GOLGB1: variants seen among roughly 807,000 people sequenced by gnomAD.
GOLGB1 encodes the protein golgin subfamily B member 1.
Under a neutral mutation model 336.9 loss-of-function variants are expected in GOLGB1, and 174 were observed. The ratio of observed to expected loss-of-function variants is 0.52; its 90% CI spans 0.46 to 0.59. GOLGB1 has a LOEUF of 0.59. Ranked by LOEUF, GOLGB1 falls within the 20% of genes least tolerant of loss-of-function variation. The pLI, the probability that GOLGB1 is intolerant of heterozygous loss-of-function variation, is 0.00. For synonymous variants in GOLGB1, 1,208 were observed against 1,289.2 expected, an observed-to-expected ratio of 0.94 and a Z score of 1.35; for missense variants, 3,331 against 3,645.3, an observed-to-expected ratio of 0.91 and a Z score of 2.22.
At chr3:121,699,760 C>A in intron 12 of GOLGB1, 52 bp downstream of exon 12, 4 of 1,050,916 alleles carry the variant, frequency 3.8e-6, no homozygotes, top group Admixed American at 2.1e-5. Flanking sequence ...TATGAAGCTA[C>A]CTTCTCTTAA....
At chr3:121,673,702 T>C (rs1334252224) in intron 17 of GOLGB1, among the ~76,000 whole-genome samples, 3 of 151,762 alleles carry the variant, frequency 2.0e-5, no homozygotes, top group African/African-American at 4.8e-5. Flanking sequence ...TATCTATCTA[T>C]CTATCTATCT....
At chr3:121,693,443 G>A (rs560159073) in intron 13 of GOLGB1, among the ~76,000 whole-genome samples, 2 of 152,184 alleles carry the variant, frequency 1.3e-5, no homozygotes, top group Non-Finnish European at 2.9e-5. Flanking sequence ...AGCCAAAATC[G>A]TGCCATTGCA....
chr3:121,717,202 A>G, intron 8 of GOLGB1, 63 bp from the exon 9 acceptor site: 1 of 1,351,322 alleles, frequency 7.4e-7, no homozygotes, highest in Admixed American at 2.3e-5. Flanking sequence ...CAAGCATTGT[A>G]AAGTGCTTTT....
chr3:121,711,678 T>C (rs940202916), intron 10 of GOLGB1, among the ~76,000 whole-genome samples: 2 of 152,152 alleles, frequency 1.3e-5, no homozygotes, highest in African/African-American at 4.8e-5. Context: ...AGTTGTATAC[T>C]TACATATTAG....
At position 121,745,958 on chromosome 3, in the gene GOLGB1, T is replaced by C. The variant is rs1362298988; in HGVS notation, c.-3+3674A>G. Among the ~76,000 whole-genome samples, 6 of 152,134 alleles carry C rather than the reference T, an allele frequency of 3.9e-5. No individual in the cohort carries two copies. The East Asian group carries it at 9.6e-4, about 24-fold the overall frequency. ...CATTATGCTAGGAACTATAAAAATA[T>C]AAAAAGAATTATAAAGCATGTCCCT... is the stretch of plus-strand genomic sequence containing the variant. On this transcript the variant is annotated intron_variant, in intron 1 of 21. Coordinates refer to ENST00000614479, the MANE Select transcript of GOLGB1 (RefSeq NM_001366282.2).
chr3:121,686,444 CTTTTAT>C (rs770226378), intron 14 of GOLGB1, among the ~76,000 whole-genome samples: 34 of 152,228 alleles, frequency 2.2e-4, no homozygotes, highest in Non-Finnish European at 4.4e-4. Flanking sequence ...TTCTCAGTCC[CTTTTAT>C]TTTATCTTGA....
chr3:121,734,530 T>C (rs906940570), intron 1 of GOLGB1, among the ~76,000 whole-genome samples: 2 of 151,426 alleles, frequency 1.3e-5, no homozygotes, highest in African/African-American at 4.9e-5. Flanking sequence ...ACACACCTGA[T>C]AAAGAAATGT....
In GOLGB1 at chr3:121,690,808, G is replaced by A. The variant is rs1471659412; in HGVS notation, c.8556C>T (p.His2852=). The A allele has an allele frequency of 1.2e-6, 2 of 1,607,498 alleles. No individual in the cohort carries two copies. The highest frequency in any genetic ancestry group is 1.7e-6 in the Non-Finnish European group (2 of 1,177,088). Residue 2852 remains histidine (H), a synonymous_variant, in exon 14 of 22, where the codon CAC becomes CAT. Coordinates refer to ENST00000614479, the MANE Select transcript of GOLGB1 (RefSeq NM_001366282.2). ...AMASLQNERD[H]LWNELEKFRK... is the part of the protein sequence containing the mutation. ...GAAATTTCTCCAGCTCATTCCACAGGTGATCTCTCTCATTCTGCAGACTGG... is the reference window on the plus strand; with the variant it reads ...GAAATTTCTCCAGCTCATTCCACAGATGATCTCTCTCATTCTGCAGACTGG...
In GOLGB1 at chr3:121,695,250, C is replaced by T; in HGVS notation, c.5273G>A (p.Ser1758Asn). ...QSLMSEKDSLSEEVQDLKHQI... is the reference protein window; with the variant it reads ...QSLMSEKDSLNEEVQDLKHQI... ...ATGCTTTAAATCTTGAACCTCTTCA[C>T]TTAGAGAGTCTTTCTCAGACATTAA... The change falls in exon 13 of 22, where the codon AGT (serine) becomes AAT (asparagine). Residue 1758 changes from serine to asparagine, a missense_variant. Ser to Asn is a conservative substitution (Grantham distance 46). Transcript: ENST00000614479. 3.1e-6 allele frequency: 5 copies of T among 1,613,674 alleles called. No individual in the cohort carries two copies. The highest frequency in any genetic ancestry group is 4.2e-6 in the Non-Finnish European group (5 of 1,179,828).
chr3:121,726,433 C>CAAAAAAAAAAAAAAAAAAAAA (rs10547964), intron 5 of GOLGB1, among the ~76,000 whole-genome samples: 2 of 61,452 alleles, frequency 3.3e-5, no homozygotes, highest in Non-Finnish European at 5.8e-5. Context: ...CACCCTGTCT[C>CAAAAAAAAAAAAAAAAAAAAA]AAAAAAAAAA....
upstream of GOLGB1, chr3:121,749,818 GA>G (rs1271322640): frequency 6.6e-6 from 1 of 152,382 alleles, no homozygotes; most frequent in East Asian, 1.9e-4. Flanking sequence ...TTACCAGGGA[GA>G]CCAGGCACAC....
chr3:121,724,561 G>GC (rs1491227938), intron 5 of GOLGB1, among the ~76,000 whole-genome samples: 9 of 104,978 alleles, frequency 8.6e-5, no homozygotes, highest in African/African-American at 2.8e-4. Context: ...AGAAAACAGA[G>GC]CAAAAAAAAA....
intron 15 of GOLGB1, among the ~76,000 whole-genome samples, chr3:121,681,275 T>C (rs1462111972): frequency 6.6e-6 from 1 of 152,210 alleles, no homozygotes; most frequent in East Asian, 1.9e-4. Flanking sequence ...AATGACAAAA[T>C]TGAACACAGA....
intron 17 of GOLGB1, among the ~76,000 whole-genome samples, chr3:121,674,985 G>A (rs963501164): frequency 2.0e-5 from 3 of 151,564 alleles, no homozygotes; most frequent in African/African-American, 7.3e-5. Context: ...ACAGGCGCCC[G>A]CCACCGCGCC....
chr3:121,682,039 G>T (rs1186514458), intron 14 of GOLGB1, among the ~76,000 whole-genome samples, 174 bp from the exon 15 acceptor site: 1 of 152,218 alleles, frequency 6.6e-6, no homozygotes, highest in Non-Finnish European at 1.5e-5. Flanking sequence ...AATACATGCA[G>T]CTAGGCTGGT....
chr3:121,670,403 G>A (rs1405470208), intron 17 of GOLGB1, among the ~76,000 whole-genome samples: 1 of 152,270 alleles, frequency 6.6e-6, no homozygotes, highest in South Asian at 2.1e-4. Flanking sequence ...CAGTTTTCTA[G>A]AGACAACTGT....
intron 1 of GOLGB1, among the ~76,000 whole-genome samples, chr3:121,739,848 C>T (rs1946731871): frequency 6.6e-6 from 1 of 152,260 alleles, no homozygotes; most frequent in Middle Eastern, 3.4e-3. Flanking sequence ...CAAACTGGTA[C>T]ATACATCCCA....
At chr3:121,733,744 G>C (rs1410519228) in intron 1 of GOLGB1, among the ~76,000 whole-genome samples, 1 of 152,138 alleles carries the variant, frequency 6.6e-6, no homozygotes. Flanking sequence ...CCTAGAAATA[G>C]ACACATACAA....
Position 121,694,159 on chromosome 3 carries a change from T to G in GOLGB1, c.6364A>C (p.Lys2122Gln). ...SNKESVKSQM[K>Q]QKDEDLERRL... ...CGCTCAAGATCTTCATCCTTTTGTT[T>G]CATCTGGCTTTTAACTGATTCTTTA... is the stretch of plus-strand genomic sequence containing the variant. The change falls in exon 13 of 22, where the codon AAA becomes CAA. Residue 2122 changes from lysine (K) to glutamine (Q), a missense_variant. Lys to Gln is a moderately conservative substitution (Grantham distance 53). Transcript: ENST00000614479. 6.2e-7 allele frequency: 1 copy of G among 1,613,778 alleles called. No homozygotes were observed.
Sources: allele counts gnomAD v4.1 joint callset (sites outside exome capture counted in the v4.1 genomes callset), GRCh38; gene constraint gnomAD v4.1.1; transcripts MANE v1.5; gene names NCBI Gene and HGNC (gene_info 2026-07-23, HGNC 2026-07-21).